Variants in GAS7 observed in about 807,000 individuals in gnomAD.
GAS7 encodes the protein growth arrest-specific protein 7.
Under a neutral mutation model 71.1 loss-of-function variants are expected in GAS7, and 28 were observed. The ratio of observed to expected loss-of-function variants is 0.39; its 90% CI spans 0.29 to 0.54. The LOEUF is 0.54. Among genes scored for constraint, GAS7 ranks in the 20% least tolerant of loss-of-function variants. The pLI is 0.62. For missense variants in GAS7, 436 were observed against 627.8 expected (o/e 0.69, Z 3.27); for synonymous variants, 258 against 245.8 (o/e 1.05, Z -0.46).
chr17:9,926,809 A>T lies in GAS7; in HGVS notation c.886-40T>A, dbSNP rs772609957. 3.7e-6 allele frequency: 6 copies of T among 1,612,370 alleles called. No individual in the cohort carries two copies. The highest frequency in any genetic ancestry group is 5.1e-6 in the Non-Finnish European group (6 of 1,178,646). On this transcript the variant is annotated intron_variant, in intron 9 of 13. Transcript: ENST00000432992. The surrounding 1 kb of genome is among the most constrained non-coding windows in gnomAD (Gnocchi z 5.0). ...GAGACGCACACTCAGGACCCAGGGC[A>T]TCAGCTGTAAGCCAGTGCAGGGAGG...
chr17:10,067,631 G>A (rs1349549689), intron 1 of GAS7, among the ~76,000 whole-genome samples: 1 of 152,144 alleles, frequency 6.6e-6, no homozygotes, highest in African/African-American at 2.4e-5. Flanking sequence ...GACCAATGCT[G>A]AATACCTGCC....
chr17:9,984,458 T>C (rs1466673542), intron 2 of GAS7, among the ~76,000 whole-genome samples: 3 of 152,106 alleles, frequency 2.0e-5, no homozygotes, highest in Admixed American at 1.3e-4. Context: ...GCAGAGACGG[T>C]GTGAACATAA....
chr17:9,926,858 T>A lies in GAS7; in HGVS notation c.886-89A>T. 1 of 1,378,876 alleles carries A rather than the reference T, an allele frequency of 7.3e-7. No homozygotes were observed. The highest frequency in any genetic ancestry group is 1.0e-6 in the Non-Finnish European group (1 of 970,576). The allele number at this position is 1,378,876 out of a possible 1,614,324, so 85.4% of individuals were successfully genotyped here. A position where few individuals can be genotyped will look rare whatever the true frequency, so the allele number is the denominator to read the frequency against. On this transcript the variant is annotated intron_variant, in intron 9 of 13. Transcript: ENST00000432992. The surrounding 1 kb of genome is among the most constrained non-coding windows in gnomAD (Gnocchi z 5.0). ...GGAGGGATGGGAGGGGCACCCCCAC[T>A]TCCCCAGGCAAGTGAGGATGAGTCT...
At position 9,914,461 on chromosome 17, in the gene GAS7, C is replaced by T. The variant is rs2067526937; in HGVS notation, c.*2767G>A. On this transcript the variant is annotated 3_prime_UTR_variant, in exon 14 of 14. Transcript: ENST00000432992. ...CAGGATGGTCTCGATCTCCTGACCT[C>T]GTGATCTGCCCACCTCGGCCTCCCA... 2.2e-5 allele frequency: 4 copies of T among 180,646 alleles called. No individual in the cohort carries two copies. The highest frequency in any genetic ancestry group is 4.7e-5 in the African/African-American group (2 of 42,390). The allele number at this position is 180,646 out of a possible 1,614,324, so 11.2% of individuals were successfully genotyped here. A position where few individuals can be genotyped will look rare whatever the true frequency, so the allele number is the denominator to read the frequency against.
intron 1 of GAS7, among the ~76,000 whole-genome samples, chr17:10,063,556 C>T (rs751208930): frequency 1.1e-4 from 16 of 152,288 alleles, no homozygotes; most frequent in Admixed American, 4.6e-4. Flanking sequence ...TCAAACAGTT[C>T]GGCAGTTTGC....
intron 1 of GAS7, among the ~76,000 whole-genome samples, chr17:10,167,914 G>C (rs2074308011): frequency 6.6e-6 from 1 of 152,136 alleles, no homozygotes; most frequent in South Asian, 2.1e-4. Context: ...GCGCAGGCTG[G>C]TCTTGAACTC....
chr17:10,128,974 T>C (rs1027128078), intron 1 of GAS7, among the ~76,000 whole-genome samples: 2 of 152,172 alleles, frequency 1.3e-5, no homozygotes, highest in African/African-American at 2.4e-5. Flanking sequence ...ACCTAAATAA[T>C]CCTGATTGAT....
intron 1 of GAS7, chr17:10,036,626 G>C: frequency 1.4e-6 from 2 of 1,443,302 alleles, no homozygotes; most frequent in Non-Finnish European, 1.8e-6. Flanking sequence ...GGTTCCTGTG[G>C]CTTTGCTCAT....
intron 2 of GAS7, among the ~76,000 whole-genome samples, chr17:9,986,349 G>C (rs1356107591): frequency 6.6e-6 from 1 of 152,206 alleles, no homozygotes; most frequent in Non-Finnish European, 1.5e-5. Flanking sequence ...GGTTGGGGCA[G>C]AGGGTCACAA....
chr17:10,197,184 T>C (rs1440212314), intron 1 of GAS7, among the ~76,000 whole-genome samples: 1 of 151,422 alleles, frequency 6.6e-6, no homozygotes, highest in Non-Finnish European at 1.5e-5. Flanking sequence ...CCGCCCCCGA[T>C]GAATTGCACT....
intron 1 of GAS7, among the ~76,000 whole-genome samples, chr17:10,137,489 T>C (rs1163323372): frequency 6.6e-6 from 1 of 152,134 alleles, no homozygotes; most frequent in African/African-American, 2.4e-5. Context: ...GCCTACTTTG[T>C]AACTGCTGTA....
chr17:10,084,455 C>T (rs1414316340), intron 1 of GAS7, among the ~76,000 whole-genome samples: 2 of 152,058 alleles, frequency 1.3e-5, no homozygotes, highest in Admixed American at 6.6e-5. Flanking sequence ...TTCAGCTGCC[C>T]AGTATCCCTT....
chr17:10,118,075 C>T (rs1230120736), intron 1 of GAS7, among the ~76,000 whole-genome samples: 1 of 152,024 alleles, frequency 6.6e-6, no homozygotes, highest in East Asian at 1.9e-4. Flanking sequence ...TGCACTTTTC[C>T]CCGAGGGTAA....
chr17:9,940,184 C>A lies in GAS7; in HGVS notation c.748G>T (p.Asp250Tyr). Reference sequence around the variant, plus strand: ...AGCTTAGCTAAGTTCTTCGCATAGTCTTCTTCAATCTTTATCCTGCAAAGA... The same window carrying A: ...AGCTTAGCTAAGTTCTTCGCATAGTATTCTTCAATCTTTATCCTGCAAAGA... Reference protein sequence around the residue: ...FIRERIKIEEDYAKNLAKLSQ... With the variant: ...FIRERIKIEEYYAKNLAKLSQ... Residue 250 changes from aspartate (D) to tyrosine (Y), a missense_variant, in exon 8 of 14, where the codon GAC becomes TAC. By Grantham distance (160) the Asp-to-Tyr change is radical. Transcript: ENST00000432992. The A allele has an allele frequency of 6.2e-7, 1 of 1,612,732 alleles. No homozygotes were observed.
intron 3 of GAS7, among the ~76,000 whole-genome samples, chr17:9,970,915 C>G (rs916388348): frequency 6.6e-6 from 1 of 152,196 alleles, no homozygotes; most frequent in Non-Finnish European, 1.5e-5. Flanking sequence ...CCAGGTGGTA[C>G]CGCTCTTGTA....
At chr17:10,027,660 A>G (rs529608767) in intron 1 of GAS7, among the ~76,000 whole-genome samples, 1 of 152,234 alleles carries the variant, frequency 6.6e-6, no homozygotes, top group Non-Finnish European at 1.5e-5. Context: ...TCTTGGAGGC[A>G]GACAACAGTC....
intron 2 of GAS7, among the ~76,000 whole-genome samples, chr17:9,988,777 C>A (rs1423567384): frequency 7.9e-5 from 12 of 152,010 alleles, no homozygotes; most frequent in Admixed American, 6.6e-4. Flanking sequence ...CGCCTGGTCA[C>A]GCCAAGCCCC....
intron 4 of GAS7, among the ~76,000 whole-genome samples, chr17:9,967,285 A>G (rs1352164401): frequency 2.6e-5 from 4 of 152,068 alleles, no homozygotes; most frequent in Admixed American, 1.3e-4. Flanking sequence ...AAAATGACCC[A>G]TGATCTTAGA....
At chr17:10,023,278 C>G (rs1296396925) in intron 1 of GAS7, among the ~76,000 whole-genome samples, 1 of 152,196 alleles carries the variant, frequency 6.6e-6, no homozygotes, top group East Asian at 1.9e-4. Flanking sequence ...TTTCTGTTCT[C>G]TTAGAAAGGA....
Sources: allele counts gnomAD v4.1 joint callset (sites outside exome capture counted in the v4.1 genomes callset), GRCh38; gene constraint gnomAD v4.1.1; non-coding constraint Gnocchi (gnomAD v3.1); transcripts MANE v1.5; gene names NCBI Gene and HGNC (gene_info 2026-07-23, HGNC 2026-07-21).